Variants in FBXL7 observed in about 807,000 individuals in gnomAD.
The protein encoded by FBXL7 is F-box and leucine rich repeat protein 7.
A neutral mutation model predicts 38.3 loss-of-function variants in FBXL7; 12 were observed. That is an observed-to-expected ratio of 0.31 (90% confidence interval 0.20 to 0.51). The LOEUF is 0.51. FBXL7 is among the 20% of genes least tolerant of loss of function. The probability of loss-of-function intolerance (pLI) is 0.98; values close to 1 mark genes in which losing one functional copy is unlikely to be tolerated. For missense variants in FBXL7, 567 were observed against 676.4 expected, an observed-to-expected ratio of 0.84 and a Z score of 1.79; for synonymous variants, 297 against 300.9, an observed-to-expected ratio of 0.99 and a Z score of 0.13.
chr5:15,640,204 C>G (rs1741313559), intron 2 of FBXL7, among the ~76,000 whole-genome samples: 1 of 152,068 alleles, frequency 6.6e-6, no homozygotes, highest in Admixed American at 6.6e-5. Flanking sequence ...AATCAGAAAT[C>G]AAGGTGGCAG....
intron 2 of FBXL7, among the ~76,000 whole-genome samples, chr5:15,740,578 T>C (rs1735870377): frequency 2.0e-5 from 3 of 152,222 alleles, no homozygotes; most frequent in African/African-American, 4.8e-5. Flanking sequence ...AAACACAGAC[T>C]GTTGCACATA....
intron 2 of FBXL7, among the ~76,000 whole-genome samples, chr5:15,755,069 G>A (rs1007703363): frequency 3.3e-5 from 5 of 152,170 alleles, no homozygotes; most frequent in Non-Finnish European, 7.3e-5. Flanking sequence ...AATCCCTTCT[G>A]CCTCTGTTGT....
intron 1 of FBXL7, 114 bp from the exon 2 acceptor site, chr5:15,615,869 T>C: frequency 1.6e-6 from 1 of 614,912 alleles, no homozygotes; most frequent in Non-Finnish European, 2.8e-6. Context: ...ATTCTTTGTA[T>C]TATAGCTGCT....
intron 2 of FBXL7, among the ~76,000 whole-genome samples, chr5:15,782,932 C>T (rs1213689670): frequency 6.6e-6 from 1 of 151,978 alleles, no homozygotes; most frequent in Non-Finnish European, 1.5e-5. Flanking sequence ...ATGGCCAGGC[C>T]ATTTGAGACT....
At chr5:15,902,907 G>A (rs886835363) in intron 2 of FBXL7, among the ~76,000 whole-genome samples, 2 of 152,250 alleles carry the variant, frequency 1.3e-5, no homozygotes, top group African/African-American at 4.8e-5. Context: ...CGAGCAGTAG[G>A]TCTAGGCAGT....
intron 2 of FBXL7, among the ~76,000 whole-genome samples, chr5:15,899,825 A>G (rs1210925762): frequency 1.3e-5 from 2 of 152,192 alleles, no homozygotes; most frequent in African/African-American, 4.8e-5. Flanking sequence ...CAGACTTATT[A>G]TAAGAATGTT....
chr5:15,626,543 C>CGTGTGTGTGTGT (rs1554010324), intron 2 of FBXL7, among the ~76,000 whole-genome samples: 204 of 103,670 alleles, frequency 2.0e-3, no homozygotes, highest in East Asian at 0.016. Context: ...AAATTCGTTT[C>CGTGTGTGTGTGT]CTGTGTGTGT....
intron 2 of FBXL7, among the ~76,000 whole-genome samples, chr5:15,647,234 T>G (rs1741559808): frequency 6.6e-6 from 1 of 152,352 alleles, no homozygotes; most frequent in East Asian, 1.9e-4. Context: ...TCACAAATTC[T>G]TATGGTTTAA....
chr5:15,778,130 G>T (rs1456876832), intron 2 of FBXL7, among the ~76,000 whole-genome samples: 1 of 152,024 alleles, frequency 6.6e-6, no homozygotes, highest in African/African-American at 2.4e-5. Context: ...ATGGTATAAA[G>T]TAAATTCGTG....
At chr5:15,739,793 T>C (rs1735847795) in intron 2 of FBXL7, among the ~76,000 whole-genome samples, 1 of 152,222 alleles carries the variant, frequency 6.6e-6, no homozygotes, top group Non-Finnish European at 1.5e-5. Context: ...GACATTTGGA[T>C]TGCTTTCATT....
At chr5:15,602,256 A>G (rs924409575) in intron 1 of FBXL7, 1 of 152,114 alleles carries the variant, frequency 6.6e-6, no homozygotes, top group African/African-American at 2.4e-5. Flanking sequence ...AGTACTTTAC[A>G]GCATGTCACC....
At chr5:15,746,399 GGGTGGGTT>G (rs1736014608) in intron 2 of FBXL7, among the ~76,000 whole-genome samples, 6 of 152,164 alleles carry the variant, frequency 3.9e-5, no homozygotes, top group Non-Finnish European at 7.4e-5. Flanking sequence ...ACCATAGACT[GGGTGGGTT>G]ATACACTATG....
At chr5:15,618,642 G>T (rs1410699136) in intron 2 of FBXL7, among the ~76,000 whole-genome samples, 3 of 152,088 alleles carry the variant, frequency 2.0e-5, no homozygotes, top group East Asian at 1.9e-4. Context: ...AGTATTCTCT[G>T]ACCTCTAGAG....
chr5:15,912,660 TA>T (rs199756006), intron 2 of FBXL7, among the ~76,000 whole-genome samples: 10 of 148,334 alleles, frequency 6.7e-5, no homozygotes, highest in Admixed American at 1.3e-4. Context: ...AGCTTTCTAT[TA>T]AAAAAAAAAG....
At chr5:15,784,288 G>A (rs1233687596) in intron 2 of FBXL7, among the ~76,000 whole-genome samples, 3 of 152,022 alleles carry the variant, frequency 2.0e-5, no homozygotes, top group Admixed American at 2.0e-4. Flanking sequence ...TCCTCTTCAG[G>A]TTTGAATTTT....
chr5:15,540,689 A>G (rs996890792), intron 1 of FBXL7, among the ~76,000 whole-genome samples: 1 of 152,158 alleles, frequency 6.6e-6, no homozygotes, highest in African/African-American at 2.4e-5. Context: ...CTGGAGGCTG[A>G]ACGTCTAAGA....
At chr5:15,690,135 T>G (rs1408927303) in intron 2 of FBXL7, among the ~76,000 whole-genome samples, 1 of 152,238 alleles carries the variant, frequency 6.6e-6, no homozygotes, top group Non-Finnish European at 1.5e-5. Context: ...TTTCTATATT[T>G]TTTTAAACAA....
rs570283367 is a variant in FBXL7, at chr5:15,593,389, T to C, written c.38-22594T>C. Among the ~76,000 whole-genome samples, 517 of 152,206 alleles carry C rather than the reference T, an allele frequency of 3.4e-3. 5 individuals are homozygous for C. Among genetic ancestry groups the C allele is most frequent in the African/African-American group, 0.011 (470 of 41,548 alleles). ...AAATACAAAAATTAGCCAGGTGTGG[T>C]GGTGGGTACCTGTAATCCCAGCTTC... On this transcript the variant is annotated intron_variant, in intron 1 of 3. Transcript: ENST00000504595.
intron 2 of FBXL7, among the ~76,000 whole-genome samples, chr5:15,728,633 T>G (rs1735488192): frequency 6.6e-6 from 1 of 152,172 alleles, no homozygotes; most frequent in African/African-American, 2.4e-5. Flanking sequence ...TGAAATTGAT[T>G]CTTGCCTAAA....
Sources: allele counts gnomAD v4.1 joint callset (sites outside exome capture counted in the v4.1 genomes callset), GRCh38; gene constraint gnomAD v4.1.1; transcripts MANE v1.5; gene names NCBI Gene and HGNC (gene_info 2026-07-23, HGNC 2026-07-21).